The following SLIT3 variants were observed in gnomAD, a reference collection of about 807,000 sequenced individuals.
SLIT3 encodes the protein slit guidance ligand 3.
A neutral mutation model predicts 184.0 loss-of-function variants in SLIT3; 68 were observed. The observed-to-expected ratio is 0.37, with a 90% CI of 0.30 to 0.45. The LOEUF (loss-of-function observed/expected upper bound fraction) is 0.45. SLIT3 is among the 20% of genes least tolerant of loss of function. The probability of loss-of-function intolerance (pLI) is 1.00; values close to 1 mark genes in which losing one functional copy is unlikely to be tolerated. For synonymous variants in SLIT3, 831 were observed against 828.6 expected (o/e 1.00, Z -0.05); for missense variants, 1,707 against 2,026.0 (o/e 0.84, Z 3.02).
chr5:168,899,248 G>C (rs1306933757), intron 4 of SLIT3, among the ~76,000 whole-genome samples: 3 of 152,188 alleles, frequency 2.0e-5, no homozygotes, highest in Non-Finnish European at 4.4e-5. Flanking sequence ...GGATCTGGTG[G>C]CTCTTACCTG....
chr5:168,841,028 C>A (rs992197874), intron 6 of SLIT3, among the ~76,000 whole-genome samples: 5 of 152,162 alleles, frequency 3.3e-5, no homozygotes, highest in African/African-American at 1.2e-4. Flanking sequence ...TGAAAGGCTC[C>A]GACATTCTCC....
intron 4 of SLIT3, among the ~76,000 whole-genome samples, chr5:169,079,344 T>G (rs57405552): frequency 0.041 from 6,243 of 152,004 alleles, 405 homozygotes; most frequent in East Asian, 0.23. Flanking sequence ...ACAAAGAAGT[T>G]CTCCTTCTCA....
At chr5:169,118,558 G>A (rs1220057742) in intron 4 of SLIT3, among the ~76,000 whole-genome samples, 1 of 152,222 alleles carries the variant, frequency 6.6e-6, no homozygotes, top group African/African-American at 2.4e-5. Flanking sequence ...AAGACCCATT[G>A]TTAACCCAGG....
intron 4 of SLIT3, among the ~76,000 whole-genome samples, chr5:169,042,902 C>A (rs148408795): frequency 6.6e-6 from 1 of 152,182 alleles, no homozygotes; most frequent in Non-Finnish European, 1.5e-5. Context: ...GGCTTACTAT[C>A]GGCTTCCTTA....
At position 169,054,055 on chromosome 5, in the gene SLIT3, C is replaced by T. The variant is rs142718834; in HGVS notation, c.413+139424G>A. On this transcript the variant is annotated intron_variant, in intron 4 of 35. Transcript: ENST00000519560. ...GCAGTGAGCCAACATCATGCCACTG[C>T]ACTCCAGCCTGGTTGACAGAGTGAG... 9.6e-3 allele frequency among the ~76,000 whole-genome samples: 1,466 copies of T among 152,020 alleles called. 23 individuals carry two copies. The highest frequency in any genetic ancestry group is 0.033 in the African/African-American group (1,385 of 41,440).
intron 4 of SLIT3, among the ~76,000 whole-genome samples, chr5:169,025,656 A>C (rs896458687): frequency 2.0e-5 from 3 of 152,202 alleles, no homozygotes; most frequent in African/African-American, 7.2e-5. Context: ...TTTTGTACAG[A>C]GAGAAGCATA....
At chr5:168,785,633 C>A (rs190827807) in intron 12 of SLIT3, among the ~76,000 whole-genome samples, 2 of 152,172 alleles carry the variant, frequency 1.3e-5, no homozygotes, top group Non-Finnish European at 2.9e-5. Context: ...AATCTCTATC[C>A]CCAGACCCTG....
At chr5:169,084,448 G>C (rs1357803683) in intron 4 of SLIT3, among the ~76,000 whole-genome samples, 1 of 141,516 alleles carries the variant, frequency 7.1e-6, no homozygotes, top group African/African-American at 2.6e-5. Flanking sequence ...GCGCCACCAT[G>C]CCCAGATTTT....
At chr5:169,225,617 G>A (rs534029507) in intron 3 of SLIT3, among the ~76,000 whole-genome samples, 1 of 152,364 alleles carries the variant, frequency 6.6e-6, no homozygotes, top group African/African-American at 2.4e-5. Flanking sequence ...TATGAGACTG[G>A]AGTGGGGCCA....
At chr5:168,854,844 A>G (rs1205520813) in intron 5 of SLIT3, among the ~76,000 whole-genome samples, 5 of 152,194 alleles carry the variant, frequency 3.3e-5, no homozygotes, top group African/African-American at 1.2e-4. Context: ...GTGGCAGCAG[A>G]AGCCAATTAA....
At chr5:168,798,223 C>CTTTTTTTTTTTTTT (rs747746239) in intron 9 of SLIT3, among the ~76,000 whole-genome samples, 6 of 109,014 alleles carry the variant, frequency 5.5e-5, no homozygotes, top group African/African-American at 1.8e-4. Flanking sequence ...TCTTCTTCTT[C>CTTTTTTTTTTTTTT]TTTTTTTTTT....
At chr5:169,090,885 T>C (rs912282665) in intron 4 of SLIT3, among the ~76,000 whole-genome samples, 21 of 152,230 alleles carry the variant, frequency 1.4e-4, no homozygotes, top group Non-Finnish European at 2.6e-4. Flanking sequence ...CCTCCAGAAC[T>C]GCGAAAGAAT....
At chr5:168,810,858 C>T (rs1327912641) in intron 8 of SLIT3, among the ~76,000 whole-genome samples, 3 of 152,060 alleles carry the variant, frequency 2.0e-5, no homozygotes, top group Non-Finnish European at 2.9e-5. Context: ...GGGAGGGATG[C>T]GTCTCCAGCC....
intron 4 of SLIT3, among the ~76,000 whole-genome samples, chr5:168,944,941 C>T (rs1762427394): frequency 6.6e-6 from 1 of 152,116 alleles, no homozygotes; most frequent in Non-Finnish European, 1.5e-5. Flanking sequence ...CTCCAGTTGT[C>T]CACAGGTTGC....
intron 4 of SLIT3, among the ~76,000 whole-genome samples, chr5:169,081,431 C>T (rs1693262784): frequency 6.6e-6 from 1 of 152,134 alleles, no homozygotes; most frequent in African/African-American, 2.4e-5. Context: ...CCTGCCATGC[C>T]CTGGGGTTTC....
intron 4 of SLIT3, among the ~76,000 whole-genome samples, chr5:168,976,926 G>T (rs1754784744): frequency 6.6e-6 from 1 of 152,048 alleles, no homozygotes; most frequent in Non-Finnish European, 1.5e-5. Flanking sequence ...TCCCATAAGG[G>T]CGAAGCCAAC....
intron 4 of SLIT3, among the ~76,000 whole-genome samples, chr5:169,019,921 C>T (rs1036945544): frequency 6.6e-6 from 1 of 152,194 alleles, no homozygotes; most frequent in African/African-American, 2.4e-5. Flanking sequence ...GTTTAAAATG[C>T]TCTTTGTTCT....
chr5:168,735,602 C>T (rs562558972), intron 20 of SLIT3, among the ~76,000 whole-genome samples: 2 of 151,754 alleles, frequency 1.3e-5, no homozygotes, highest in South Asian at 2.1e-4. Context: ...GAGCAGTACC[C>T]GGCACACTGG....
At position 168,700,594 on chromosome 5, in the gene SLIT3, T is replaced by C; in HGVS notation, c.2930A>G (p.Lys977Arg). The change falls in exon 27 of 36, where the codon AAG becomes AGG. Residue 977 changes from lysine to arginine, a missense_variant. Physicochemically the swap from Lys to Arg is conservative, Grantham distance 26 (BLOSUM62 2). Transcript: ENST00000519560. ...GGTGAACTGTTACCTGAACCCATCCTTGTGGCTGTCACTCAGGTGGCAGGT... is the reference window on the plus strand; with the variant it reads ...GGTGAACTGTTACCTGAACCCATCCCTGTGGCTGTCACTCAGGTGGCAGGT... Reference protein sequence around the residue: ...GGTCHLSDSHKDGFSCSCPLG... With the variant: ...GGTCHLSDSHRDGFSCSCPLG... The C allele has an allele frequency of 1.2e-6, 2 of 1,613,826 alleles. No homozygotes were observed. The highest frequency in any genetic ancestry group is 1.7e-6 in the Non-Finnish European group (2 of 1,179,704).
Sources: allele counts gnomAD v4.1 joint callset (sites outside exome capture counted in the v4.1 genomes callset), GRCh38; gene constraint gnomAD v4.1.1; transcripts MANE v1.5; gene names NCBI Gene and HGNC (gene_info 2026-07-23, HGNC 2026-07-21).